PIWIL2: variants seen among roughly 807,000 people sequenced by gnomAD.
PIWIL2 encodes piwi-like protein 2.
PIWIL2 carries 81 observed loss-of-function variants against 116.5 expected under a neutral mutation model. That is an observed-to-expected ratio of 0.70 (90% CI 0.58 to 0.84). The LOEUF (loss-of-function observed/expected upper bound fraction) is 0.84, where lower values mean the gene tolerates loss of function less well. PIWIL2 is among the 40% of genes least tolerant of loss of function. PIWIL2 has a pLI of 0.00. For missense variants in PIWIL2, 1,272 were observed against 1,212.3 expected, an observed-to-expected ratio of 1.05 and a Z score of -0.73; for synonymous variants, 489 against 429.5, an observed-to-expected ratio of 1.14 and a Z score of -1.71.
At chr8:22,325,140 G>GAA (rs1831692894) in intron 20 of PIWIL2, among the ~76,000 whole-genome samples, 1 of 152,122 alleles carries the variant, frequency 6.6e-6, no homozygotes, top group Admixed American at 6.6e-5. Context: ...GGGAAAGAAA[G>GAA]AAAAAAGTAT....
chr8:22,283,655 C>A (rs544121531), intron 5 of PIWIL2, among the ~76,000 whole-genome samples: 2 of 152,152 alleles, frequency 1.3e-5, no homozygotes, highest in African/African-American at 4.8e-5. Context: ...GTGATCCACC[C>A]GCCTCGGCCT....
intron 20 of PIWIL2, among the ~76,000 whole-genome samples, chr8:22,348,639 C>T (rs982268259): frequency 6.6e-6 from 1 of 152,146 alleles, no homozygotes; most frequent in African/African-American, 2.4e-5. Flanking sequence ...GGCTTGATGG[C>T]ACATCCCTGT....
chr8:22,337,614 C>T (rs897341443), intron 20 of PIWIL2, among the ~76,000 whole-genome samples: 2 of 150,954 alleles, frequency 1.3e-5, no homozygotes, highest in African/African-American at 4.9e-5. Flanking sequence ...GCCTGTAATC[C>T]GAGGTACTTG....
Position 22,281,457 on chromosome 8 carries a change from C to T in PIWIL2, c.367C>T (p.Pro123Ser), listed in dbSNP as rs146896849. ...REELSPTFWDPKVLAAGDSKM... is the reference protein window; with the variant it reads ...REELSPTFWDSKVLAAGDSKM... The stretch of plus-strand genomic sequence containing the variant: ...GGAACTCTCTCCCACTTTTTGGGAT[C>T]CAAAAGTGTTGGCGGCTGGGGACAG... Residue 123 changes from proline to serine, a missense_variant, in exon 4 of 23, where the codon CCA (proline) becomes TCA (serine). Pro to Ser is a moderately conservative substitution (Grantham distance 74, BLOSUM62 -1). Transcript: ENST00000356766. 4.1e-5 allele frequency: 65 copies of T among 1,604,074 alleles called. 1 individual carries two copies. In the African/African-American group the frequency reaches 6.4e-4, roughly 16 times the overall value.
At chr8:22,321,108 C>G (rs559177591) in intron 20 of PIWIL2, among the ~76,000 whole-genome samples, 1 of 152,140 alleles carries the variant, frequency 6.6e-6, no homozygotes, top group South Asian at 2.1e-4. Flanking sequence ...TCTGTAGAAC[C>G]AGATCAAAGA....
In PIWIL2 at chr8:22,314,345, T is replaced by A. The variant is rs775003596; in HGVS notation, c.2007T>A (p.Val669=). Residue 669 remains valine (V), a synonymous_variant, in exon 17 of 23, where the codon GTT becomes GTA. Coordinates refer to ENST00000356766, the MANE Select transcript of PIWIL2 (RefSeq NM_018068.5). The part of the protein sequence containing the change: ...TLGAEGKIQM[V]VCIIMGPRDD... Reference sequence around the variant, plus strand: ...TCCTCAAGGGGAAGATACAGATGGTTGTTTGCATCATCATGGGCCCACGTG... The same window carrying A: ...TCCTCAAGGGGAAGATACAGATGGTAGTTTGCATCATCATGGGCCCACGTG... 2.0e-5 allele frequency: 31 copies of A among 1,560,922 alleles called. 1 individual carries two copies. In the South Asian group the frequency reaches 2.5e-4, roughly 13 times the overall value.
intron 20 of PIWIL2, among the ~76,000 whole-genome samples, chr8:22,328,128 T>G (rs1831770462): frequency 6.6e-6 from 1 of 152,140 alleles, no homozygotes; most frequent in African/African-American, 2.4e-5. Context: ...CAAAGTGAGG[T>G]AAGGGTCCAG....
At chr8:22,305,042 A>G (rs575842353) in intron 12 of PIWIL2, among the ~76,000 whole-genome samples, 174 bp downstream of exon 12, 1 of 152,280 alleles carries the variant, frequency 6.6e-6, no homozygotes, top group East Asian at 1.9e-4. Context: ...TCACACTGGT[A>G]AGATCTGCTT....
chr8:22,290,332 T>C lies in PIWIL2; in HGVS notation c.1167T>C (p.Cys389=). Residue 389 remains cysteine (C), a synonymous_variant, in exon 10 of 23, where the codon TGT becomes TGC. Coordinates refer to ENST00000356766, the MANE Select transcript of PIWIL2 (RefSeq NM_018068.5). Reference sequence around the variant, plus strand: ...CCCATAAGGTCATTCGGAATGACTGTGTGCTGGATGTCATGTGAGTGAATG... The same window carrying C: ...CCCATAAGGTCATTCGGAATGACTGCGTGCTGGATGTCATGTGAGTGAATG... The part of the protein sequence containing the change: ...DVSHKVIRND[C]VLDVMHAIYQ... The C allele has an allele frequency of 1.3e-6, 2 of 1,597,462 alleles. No individual in the cohort carries two copies. The highest frequency in any genetic ancestry group is 1.7e-6 in the Non-Finnish European group (2 of 1,165,344).
At chr8:22,343,144 T>C (rs1005624586) in intron 20 of PIWIL2, among the ~76,000 whole-genome samples, 4 of 152,060 alleles carry the variant, frequency 2.6e-5, no homozygotes, top group Non-Finnish European at 5.9e-5. Context: ...GGCTCACACC[T>C]GTAATCCCAG....
chr8:22,342,333 C>T (rs1222203414), intron 20 of PIWIL2, among the ~76,000 whole-genome samples: 3 of 152,124 alleles, frequency 2.0e-5, no homozygotes, highest in Non-Finnish European at 4.4e-5. Context: ...TAAGGATAGC[C>T]AACACAGTAC....
chr8:22,296,779 C>G (rs1284220161), intron 10 of PIWIL2, among the ~76,000 whole-genome samples: 1 of 152,158 alleles, frequency 6.6e-6, no homozygotes, highest in Non-Finnish European at 1.5e-5. Flanking sequence ...TTCCTTCCTG[C>G]ATCCCTCACT....
chr8:22,302,533 C>CTT (rs528080594), intron 10 of PIWIL2, among the ~76,000 whole-genome samples: 3 of 152,174 alleles, frequency 2.0e-5, no homozygotes, highest in African/African-American at 7.2e-5. Context: ...ACTAAAGACT[C>CTT]TGTTATTTCT....
chr8:22,351,479 ATAT>A (rs1832359813), intron 20 of PIWIL2, among the ~76,000 whole-genome samples: 1 of 119,086 alleles, frequency 8.4e-6, no homozygotes, highest in African/African-American at 2.9e-5. Flanking sequence ...ATATATATAT[ATAT>A]AATTTATATC....
At chr8:22,319,323 C>A (rs929314480) in intron 20 of PIWIL2, among the ~76,000 whole-genome samples, 2 of 152,130 alleles carry the variant, frequency 1.3e-5, no homozygotes, top group African/African-American at 4.8e-5. Flanking sequence ...AAGTCTGTCT[C>A]CAGCAAGGTC....
In PIWIL2 at chr8:22,357,377, C is replaced by G. The variant is rs1313110550; in HGVS notation, c.*1872C>G. 6.6e-6 allele frequency: 1 copy of G among 152,178 alleles called. No homozygotes were observed. Among genetic ancestry groups the G allele is most frequent in the African/African-American group, 2.4e-5 (1 of 41,536 alleles). 9.4% of individuals were successfully genotyped at this position (152,178 alleles called of 1,614,324 possible). Reference sequence around the variant, plus strand: ...TCAGTTTTCTGATTTTCCTTGGAAGCGTTTTGAATTTTTCTGTTGAAGTTG... The same window carrying G: ...TCAGTTTTCTGATTTTCCTTGGAAGGGTTTTGAATTTTTCTGTTGAAGTTG... On this transcript the variant is annotated 3_prime_UTR_variant, in exon 23 of 23. Coordinates refer to ENST00000356766, the MANE Select transcript of PIWIL2 (RefSeq NM_018068.5).
intron 20 of PIWIL2, among the ~76,000 whole-genome samples, chr8:22,326,164 C>G (rs896972059): frequency 6.6e-6 from 1 of 151,906 alleles, no homozygotes; most frequent in African/African-American, 2.4e-5. Context: ...CCTTCCCAGC[C>G]TGGAAGGTTT....
At chr8:22,285,749 C>G (rs558021208) in intron 6 of PIWIL2, among the ~76,000 whole-genome samples, 1 of 152,210 alleles carries the variant, frequency 6.6e-6, no homozygotes, top group Admixed American at 6.5e-5. Flanking sequence ...TCAAGCAATT[C>G]TCTTGCCTCA....
intron 20 of PIWIL2, among the ~76,000 whole-genome samples, chr8:22,350,676 T>A (rs951405457): frequency 6.6e-6 from 1 of 152,024 alleles, no homozygotes; most frequent in African/African-American, 2.4e-5. Context: ...AATGTAGTGC[T>A]TGAGGCTTCT....
Sources: allele counts gnomAD v4.1 joint callset (sites outside exome capture counted in the v4.1 genomes callset), GRCh38; gene constraint gnomAD v4.1.1; transcripts MANE v1.5; gene names NCBI Gene and HGNC (gene_info 2026-07-23, HGNC 2026-07-21).